Variants in BDP1 observed in about 807,000 individuals in gnomAD.
BDP1 encodes the protein transcription factor TFIIIB component B'' homolog.
BDP1 carries 169 observed loss-of-function variants against 266.6 expected under a neutral mutation model. The ratio of observed to expected loss-of-function variants is 0.63; its 90% CI spans 0.56 to 0.72. The LOEUF is 0.72. Among genes scored for constraint, BDP1 ranks in the 30% least tolerant of loss-of-function variants. The pLI is 0.00. For missense variants in BDP1, 3,015 were observed against 3,053.8 expected, an observed-to-expected ratio of 0.99 and a Z score of 0.30; for synonymous variants, 1,090 against 1,022.4, an observed-to-expected ratio of 1.07 and a Z score of -1.26.
In BDP1 at chr5:71,487,188, G is replaced by A. The variant is rs1561696822; in HGVS notation, c.1213+561G>A. ...TAAAGAAGACGCTCGGAACTATAGG[G>A]AACCTTATATGTTAGCTAGCTTACA... On this transcript the variant is annotated intron_variant, in intron 9 of 38. Coordinates refer to ENST00000358731, the MANE Select transcript of BDP1 (RefSeq NM_018429.3). Among the ~76,000 whole-genome samples the A allele has an allele frequency of 3.3e-5, 5 of 152,132 alleles. No homozygotes were observed. In the South Asian group the frequency reaches 8.3e-4, roughly 25 times the overall value.
chr5:71,468,623 T>C (rs1237447745), intron 6 of BDP1, among the ~76,000 whole-genome samples: 1 of 151,052 alleles, frequency 6.6e-6, no homozygotes, highest in Non-Finnish European at 1.5e-5. Flanking sequence ...TTTTTTTTTT[T>C]GAGATGGAGT....
At position 71,564,927 on chromosome 5, in the gene BDP1, T is replaced by G; in HGVS notation, c.*42T>G. 1 of 1,538,388 alleles carries G rather than the reference T, an allele frequency of 6.5e-7. No homozygotes were observed. Among genetic ancestry groups the G allele is most frequent in the Non-Finnish European group, 8.8e-7 (1 of 1,139,608 alleles). ...TTTCTTTTTTAAATTAGGTCTAGGA[T>G]TTCCAGAGTCAATTACATCAACAAA... On this transcript the variant is annotated 3_prime_UTR_variant, in exon 39 of 39. Transcript: ENST00000358731.
In BDP1 at chr5:71,489,652, G is replaced by A; in HGVS notation, c.1462G>A (p.Ala488Thr). Residue 488 changes from alanine to threonine, a missense_variant, in exon 10 of 39, where the codon GCG (alanine) becomes ACG (threonine). By Grantham distance (58) the Ala-to-Thr change is moderately conservative (BLOSUM62 0). Around this residue, in one of 3 missense-constraint regions of BDP1, gnomAD observed 2,383 missense variants for 2,404.9 expected, o/e 0.99. Coordinates refer to ENST00000358731, the MANE Select transcript of BDP1 (RefSeq NM_018429.3). Reference sequence around the variant, plus strand: ...TCTTTTAGAAAATGCCACTGTTCAGGCGGGTCCTTCTAAAGGAGAAAAACA... The same window carrying A: ...TCTTTTAGAAAATGCCACTGTTCAGACGGGTCCTTCTAAAGGAGAAAAACA... ...NNLLENATVQ[A>T]GPSKGEKHKN... 1.2e-6 allele frequency: 2 copies of A among 1,612,114 alleles called. No homozygotes were observed. Among genetic ancestry groups the A allele is most frequent in the Non-Finnish European group, 1.7e-6 (2 of 1,179,580 alleles).
At chr5:71,523,806 G>T (rs1765630962) in intron 24 of BDP1, 133 bp from the exon 25 acceptor site, 3 of 875,744 alleles carry the variant, frequency 3.4e-6, no homozygotes, top group South Asian at 2.1e-5. Flanking sequence ...CACAGCATAA[G>T]ATTTTAAAAG....
chr5:71,511,335 A>G (rs1047095496), intron 17 of BDP1, 184 bp downstream of exon 17: 2 of 632,596 alleles, frequency 3.2e-6, no homozygotes, highest in Non-Finnish European at 5.2e-6. Flanking sequence ...TTTTTTAAAA[A>G]GATAACTTTA....
At chr5:71,554,924 C>CT (rs1743111974) in intron 35 of BDP1, among the ~76,000 whole-genome samples, 1 of 152,100 alleles carries the variant, frequency 6.6e-6, no homozygotes, top group African/African-American at 2.4e-5. Flanking sequence ...CCTGAAAAGC[C>CT]AAAATCTGAA....
At chr5:71,489,279 G>A (rs902185202) in intron 9 of BDP1, 125 bp from the exon 10 acceptor site, 2 of 594,430 alleles carry the variant, frequency 3.4e-6, no homozygotes, top group Middle Eastern at 9.2e-4. Context: ...GACATTTTAG[G>A]TTGTCTTTAG....
chr5:71,530,111 C>T (rs1766142302), intron 25 of BDP1, among the ~76,000 whole-genome samples: 1 of 152,104 alleles, frequency 6.6e-6, no homozygotes, highest in African/African-American at 2.4e-5. Flanking sequence ...CTTAAAAAAC[C>T]AACTTTTACT....
At chr5:71,477,592 C>T (rs887697723) in intron 7 of BDP1, among the ~76,000 whole-genome samples, 3 of 151,462 alleles carry the variant, frequency 2.0e-5, no homozygotes, top group African/African-American at 7.3e-5. Flanking sequence ...TTTTTTTAAA[C>T]ACCAGCTGAC....
At chr5:71,545,006 T>G in intron 31 of BDP1, 33 bp from the exon 32 acceptor site, 1 of 1,606,258 alleles carries the variant, frequency 6.2e-7, no homozygotes. Flanking sequence ...TTTGCCTGAT[T>G]TCAAATGACA....
chr5:71,496,926 T>C (rs997010623), intron 12 of BDP1, among the ~76,000 whole-genome samples: 1 of 152,238 alleles, frequency 6.6e-6, no homozygotes, highest in African/African-American at 2.4e-5. Flanking sequence ...TTACGTTTTA[T>C]CCTCACTGTA....
chr5:71,550,563 A>G (rs1310079355), intron 34 of BDP1, among the ~76,000 whole-genome samples: 1 of 152,076 alleles, frequency 6.6e-6, no homozygotes, highest in Non-Finnish European at 1.5e-5. Flanking sequence ...TGGCCTCCCA[A>G]AGTGCTGAGA....
rs771018568 is a variant in BDP1 at position 71,560,089 on chromosome 5, A to C, written c.7348A>C (p.Arg2450=). The C allele has an allele frequency of 1.9e-6, 3 of 1,614,044 alleles. No individual in the cohort carries two copies. Among genetic ancestry groups the C allele is most frequent in the African/African-American group, 2.7e-5 (2 of 74,946 alleles). ...AGCAGCTTTTCAGAGTAGAGGATCTAGATCTCCTGATGCATGCATGGACAA... is the reference window on the plus strand; with the variant it reads ...AGCAGCTTTTCAGAGTAGAGGATCTCGATCTCCTGATGCATGCATGGACAA... ...VEAAFQSRGS[R]SPDACMDKNV... is the part of the protein sequence containing the mutation. The change falls in exon 37 of 39, where the codon AGA becomes CGA. Residue 2450 remains arginine (R), a synonymous_variant. Transcript: ENST00000358731.
intron 26 of BDP1, among the ~76,000 whole-genome samples, chr5:71,533,530 A>G (rs1465740129): frequency 6.6e-6 from 1 of 151,004 alleles, no homozygotes; most frequent in Admixed American, 6.6e-5. Flanking sequence ...CAGTAACACA[A>G]TTGTAGCACA....
intron 7 of BDP1, among the ~76,000 whole-genome samples, chr5:71,476,769 T>C (rs35770835): frequency 2.0e-5 from 3 of 152,066 alleles, no homozygotes; most frequent in Admixed American, 1.3e-4. Flanking sequence ...AGTGGCGCGG[T>C]CTAGGCTCAC....
chr5:71,572,547 G>A (rs916088729), downstream of BDP1, among the ~76,000 whole-genome samples: 3 of 152,160 alleles, frequency 2.0e-5, no homozygotes, highest in Non-Finnish European at 4.4e-5. Flanking sequence ...AAGAAGTACT[G>A]GGAATGGGAA....
At position 71,479,084 on chromosome 5, in the gene BDP1, C is replaced by T. The variant is rs796376430; in HGVS notation, c.1015-4758C>T. On this transcript the variant is annotated intron_variant, in intron 7 of 38. Coordinates refer to ENST00000358731, the MANE Select transcript of BDP1 (RefSeq NM_018429.3). ...TTGAGATGGAGTCTCGCTCTGTTGC[C>T]CAGGCTGGAGTGCAGTGGTGCGATC... is the stretch of plus-strand genomic sequence containing the variant. 4.5e-4 allele frequency among the ~76,000 whole-genome samples: 69 copies of T among 151,930 alleles called. 1 individual carries two copies. Among genetic ancestry groups the T allele is most frequent in the African/African-American group, 1.6e-3 (68 of 41,404 alleles).
chr5:71,560,522 T>G (rs929535010), intron 37 of BDP1, among the ~76,000 whole-genome samples: 1 of 152,230 alleles, frequency 6.6e-6, no homozygotes, highest in Admixed American at 6.5e-5. Context: ...CATTACATAA[T>G]CTACCATGTT....
At chr5:71,547,474 G>A (rs1249961693) in intron 32 of BDP1, among the ~76,000 whole-genome samples, 2 of 152,142 alleles carry the variant, frequency 1.3e-5, no homozygotes, top group African/African-American at 2.4e-5. Context: ...GATGCTGACT[G>A]ATCACTTGGC....
Sources: gnomAD v4.1 joint callset for allele counts (sites outside exome capture counted in the v4.1 genomes callset) on GRCh38, gnomAD v4.1.1 for gene constraint, gnomAD v4.1.1 regional missense constraint, MANE v1.5 for transcripts, NCBI Gene and HGNC (gene_info 2026-07-23, HGNC 2026-07-21) for gene names.